TLK1: variants seen among roughly 807,000 people sequenced by gnomAD.
TLK1 encodes the protein serine/threonine-protein kinase tousled-like 1.
In TLK1, 24 loss-of-function variants were observed where a neutral mutation model predicts 105.3. The observed-to-expected ratio is 0.23, with a 90% confidence interval of 0.17 to 0.32. The LOEUF (loss-of-function observed/expected upper bound fraction) is 0.32. Ranked by LOEUF, TLK1 falls within the 10% of genes least tolerant of loss-of-function variation. The pLI is 1.00. For synonymous variants in TLK1, 321 were observed against 310.4 expected, an observed-to-expected ratio of 1.03 and a Z score of -0.36; for missense variants, 558 against 910.5, an observed-to-expected ratio of 0.61 and a Z score of 4.98.
rs1378698026 is a variant in TLK1, at chr2:171,160,218, G to A, written c.139+72C>T. The A allele has an allele frequency of 2.8e-5, 24 of 844,484 alleles. No individual in the cohort carries two copies. In the East Asian group the frequency reaches 3.3e-4, roughly 12 times the overall value. The allele number at this position is 844,484 out of a possible 1,614,324, so 52.3% of individuals were successfully genotyped here. On this transcript the variant is annotated intron_variant, in intron 1 of 20. Coordinates refer to ENST00000431350, the MANE Select transcript of TLK1 (RefSeq NM_012290.5). This position sits in a 1 kb window ranked among gnomAD's most constrained non-coding sequence, Gnocchi z 4.4. ...GGAGAAGCCCCGGGGCGGGGGGGGCGGGGGGGGGGCGCGGGGGTCCGCGGC... is the reference window on the plus strand; with the variant it reads ...GGAGAAGCCCCGGGGCGGGGGGGGCAGGGGGGGGGCGCGGGGGTCCGCGGC...
At chr2:171,047,398 C>T (rs1687013027) in intron 10 of TLK1, among the ~76,000 whole-genome samples, 1 of 152,044 alleles carries the variant, frequency 6.6e-6, no homozygotes, top group South Asian at 2.1e-4. Context: ...TATTTCATGC[C>T]CTCCTCTCCC....
At chr2:171,159,687 G>A (rs867021748) in intron 1 of TLK1, 1 of 152,436 alleles carries the variant, frequency 6.6e-6, no homozygotes, top group East Asian at 1.9e-4. Flanking sequence ...CTGCCCACGA[G>A]TCAGTCTGTC....
chr2:171,228,099 C>T lies in TLK1; in HGVS notation c.-6+3046G>A, dbSNP rs563435969. Among the ~76,000 whole-genome samples, 4 of 152,234 alleles carry T rather than the reference C, an allele frequency of 2.6e-5. No homozygotes were observed. The South Asian group carries it at 8.3e-4, about 32-fold the overall frequency. On this transcript the variant is annotated intron_variant, in intron 1 of 20. Transcript: ENST00000521943. ...GCTGAGACAGGAGAATCACTTGAACCCAGGAGGCAGAGGTTGCAGTGAGCT... is the reference window on the plus strand; with the variant it reads ...GCTGAGACAGGAGAATCACTTGAACTCAGGAGGCAGAGGTTGCAGTGAGCT...
rs192073408 is a variant in TLK1, at chr2:170,999,985, T to C, written c.1905-2162A>G. On this transcript the variant is annotated intron_variant, in intron 18 of 20. Coordinates refer to ENST00000431350, the MANE Select transcript of TLK1 (RefSeq NM_012290.5). ...TATGTTGCCCAGGTTGGTCTTCAAT[T>C]CCTGGGCTCAAGTGGTCTTCCTGCT... Among the ~76,000 whole-genome samples, 130 of 152,186 alleles carry C rather than the reference T, an allele frequency of 8.5e-4. 1 individual carries two copies. Among genetic ancestry groups the C allele is most frequent in the Non-Finnish European group, 1.6e-3 (111 of 68,006 alleles).
At chr2:171,161,752 C>CAAA (rs1347042115), upstream of TLK1, among the ~76,000 whole-genome samples, 1 of 152,168 alleles carries the variant, frequency 6.6e-6, no homozygotes, top group African/African-American at 2.4e-5. Flanking sequence ...GTCCCGACTA[C>CAAA]AAAAATCCCA....
At chr2:171,009,145 T>C (rs1684783822) in intron 14 of TLK1, among the ~76,000 whole-genome samples, 1 of 152,132 alleles carries the variant, frequency 6.6e-6, no homozygotes, top group Non-Finnish European at 1.5e-5. Flanking sequence ...GTGTAATGCT[T>C]ATCTAAGTTA....
At chr2:171,091,923 T>G (rs997310259) in intron 2 of TLK1, 1 of 152,240 alleles carries the variant, frequency 6.6e-6, no homozygotes, top group Non-Finnish European at 1.5e-5. Flanking sequence ...TTTTTGTATT[T>G]TTAGTAGAGA....
intron 2 of TLK1, among the ~76,000 whole-genome samples, chr2:171,106,310 A>T (rs1274098089): frequency 6.6e-6 from 1 of 152,208 alleles, no homozygotes; most frequent in Non-Finnish European, 1.5e-5. Context: ...AATTTATTGT[A>T]TATCTTCAAA....
intron 1 of TLK1, among the ~76,000 whole-genome samples, chr2:171,206,556 A>C (rs1693511267): frequency 6.6e-6 from 1 of 152,232 alleles, no homozygotes; most frequent in African/African-American, 2.4e-5. Context: ...TACGGGTTCC[A>C]ACAGTGCTAG....
At chr2:171,124,301 CT>C (rs1168964315) in intron 1 of TLK1, among the ~76,000 whole-genome samples, 2 of 152,196 alleles carry the variant, frequency 1.3e-5, no homozygotes, top group Non-Finnish European at 2.9e-5. Flanking sequence ...AATATAGACA[CT>C]ATTTTGCCTT....
At chr2:171,151,146 T>C (rs1192418501) in intron 1 of TLK1, among the ~76,000 whole-genome samples, 1 of 151,858 alleles carries the variant, frequency 6.6e-6, no homozygotes. Flanking sequence ...GCCTCCCAAC[T>C]AGCTGCAACT....
At chr2:171,011,270 A>T in intron 14 of TLK1, 103 bp downstream of exon 14, 1 of 974,718 alleles carries the variant, frequency 1.0e-6, no homozygotes, top group Non-Finnish European at 1.4e-6. Context: ...CTGGGGTTAC[A>T]TGTGTGAGCC....
intron 1 of TLK1, among the ~76,000 whole-genome samples, chr2:171,209,558 G>A (rs7568175): frequency 2.6e-5 from 4 of 151,922 alleles, no homozygotes; most frequent in African/African-American, 9.7e-5. Context: ...AAAATCTGAC[G>A]CAGTAATGTG....
At chr2:171,026,682 A>G (rs1011972704) in intron 12 of TLK1, among the ~76,000 whole-genome samples, 2 of 152,146 alleles carry the variant, frequency 1.3e-5, no homozygotes, top group South Asian at 2.1e-4. Context: ...AAATCTTTAT[A>G]TGAGACATAA....
At chr2:171,073,789 T>G (rs1688366236) in intron 3 of TLK1, among the ~76,000 whole-genome samples, 1 of 152,078 alleles carries the variant, frequency 6.6e-6, no homozygotes, top group Non-Finnish European at 1.5e-5. Flanking sequence ...TACAAAGTAA[T>G]TTCAGGTGTT....
intron 1 of TLK1, among the ~76,000 whole-genome samples, chr2:171,230,440 A>G (rs10179563): frequency 0.054 from 8,248 of 152,222 alleles, 491 homozygotes; most frequent in East Asian, 0.25. Flanking sequence ...GAAATAGCTG[A>G]CACCACCCAG....
rs1440760925 is a variant in TLK1 at position 170,993,727 on chromosome 2, A to T, written c.*53T>A. ...CAAACACTCAAATGCTCTCAAACTTAAGTGTGCATCTGGAAGCAAATTCAA... is the reference window on the plus strand; with the variant it reads ...CAAACACTCAAATGCTCTCAAACTTTAGTGTGCATCTGGAAGCAAATTCAA... On this transcript the variant is annotated 3_prime_UTR_variant, in exon 21 of 21. Transcript: ENST00000431350. 5 of 1,360,946 alleles carry T rather than the reference A, an allele frequency of 3.7e-6. No homozygotes were observed. Among genetic ancestry groups the T allele is most frequent in the Non-Finnish European group, 4.9e-6 (5 of 1,022,122 alleles). 84.3% of individuals were successfully genotyped at this position (1,360,946 alleles called of 1,614,324 possible).
chr2:171,072,764 A>ATC (rs1688320386), intron 3 of TLK1, among the ~76,000 whole-genome samples: 1 of 150,694 alleles, frequency 6.6e-6, no homozygotes, highest in African/African-American at 2.4e-5. Context: ...CAAAAACTCC[A>ATC]TCTCAAAGAA....
chr2:171,093,543 G>T (rs1010585114), intron 2 of TLK1, among the ~76,000 whole-genome samples: 1 of 152,042 alleles, frequency 6.6e-6, no homozygotes, highest in Admixed American at 6.5e-5. Context: ...GCTGTTCAAA[G>T]TACAATGTGA....
Sources: gnomAD v4.1 joint callset for allele counts (sites outside exome capture counted in the v4.1 genomes callset) on GRCh38, gnomAD v4.1.1 for gene constraint, Gnocchi (gnomAD v3.1) non-coding constraint, MANE v1.5 for transcripts, NCBI Gene and HGNC (gene_info 2026-07-23, HGNC 2026-07-21) for gene names.